The following SLC10A7 variants were observed in gnomAD, a reference collection of about 807,000 sequenced individuals.
SLC10A7 encodes solute carrier family 10 member 7, also known as sodium/bile acid cotransporter 7.
SLC10A7 carries 29 observed loss-of-function variants against 43.2 expected under a neutral mutation model. The ratio of observed to expected loss-of-function variants is 0.67; its 90% CI spans 0.50 to 0.92. The LOEUF is 0.92. Among genes scored for constraint, SLC10A7 ranks in the 40% least tolerant of loss-of-function variants. The probability of loss-of-function intolerance (pLI) is 0.00; values close to 1 mark genes in which losing one functional copy is unlikely to be tolerated. For synonymous variants in SLC10A7, 152 were observed against 144.8 expected (o/e 1.05, Z -0.35); for missense variants, 295 against 403.2 (o/e 0.73, Z 2.30).
intron 2 of SLC10A7, among the ~76,000 whole-genome samples, chr4:146,511,033 C>A (rs1327846762): frequency 1.3e-5 from 2 of 152,132 alleles, no homozygotes; most frequent in African/African-American, 4.8e-5. Context: ...TAAGTAAATA[C>A]TATTATCCCT....
At chr4:146,427,315 A>G (rs1729444662) in intron 5 of SLC10A7, among the ~76,000 whole-genome samples, 1 of 152,058 alleles carries the variant, frequency 6.6e-6, no homozygotes. Flanking sequence ...ACCCTGGGTG[A>G]CACACACACA....
At chr4:146,383,335 A>AG (rs1737764982) in intron 5 of SLC10A7, among the ~76,000 whole-genome samples, 2 of 152,136 alleles carry the variant, frequency 1.3e-5, no homozygotes, top group African/African-American at 2.4e-5. Context: ...ACTAAATCAA[A>AG]GGGGGAAAAC....
At position 146,280,963 on chromosome 4, in the gene SLC10A7, T is replaced by G. The variant is rs138273325; in HGVS notation, c.847+2229A>C. 7.2e-5 allele frequency among the ~76,000 whole-genome samples: 11 copies of G among 152,268 alleles called. No individual in the cohort carries two copies. In the East Asian group the frequency reaches 2.1e-3, roughly 29 times the overall value. ...GGTCTTATAATTCCAAGACAGCCTA[T>G]GTCTATCATGTTATGAAAGTAGCTA... On this transcript the variant is annotated intron_variant, in intron 10 of 11. Transcript: ENST00000335472.
intron 5 of SLC10A7, among the ~76,000 whole-genome samples, chr4:146,340,562 G>A (rs886946515): frequency 6.6e-6 from 1 of 151,110 alleles, no homozygotes; most frequent in Non-Finnish European, 1.5e-5. Flanking sequence ...GAGAGAGAGA[G>A]TGATTAGACT....
chr4:146,468,022 A>G (rs1021280896), intron 4 of SLC10A7, among the ~76,000 whole-genome samples: 1 of 152,162 alleles, frequency 6.6e-6, no homozygotes, highest in Non-Finnish European at 1.5e-5. Context: ...TACCATGTGA[A>G]ACAGCCATGA....
intron 4 of SLC10A7, among the ~76,000 whole-genome samples, chr4:146,479,545 A>G (rs890299807): frequency 6.6e-6 from 1 of 152,224 alleles, no homozygotes; most frequent in African/African-American, 2.4e-5. Context: ...GATTCTATTT[A>G]TATGAGGTTT....
At chr4:146,311,788 CCA>C (rs535389093) in intron 6 of SLC10A7, among the ~76,000 whole-genome samples, 33 of 152,150 alleles carry the variant, frequency 2.2e-4, no homozygotes, top group African/African-American at 7.9e-4. Flanking sequence ...ACTATTGTGC[CCA>C]CACACAGACA....
intron 5 of SLC10A7, among the ~76,000 whole-genome samples, chr4:146,377,934 G>A (rs922366244): frequency 5.3e-5 from 8 of 152,126 alleles, no homozygotes; most frequent in African/African-American, 1.9e-4. Flanking sequence ...CTACTAACAG[G>A]AAACCCAGTC....
At chr4:146,402,702 T>A (rs1049851985) in intron 5 of SLC10A7, among the ~76,000 whole-genome samples, 10 of 152,224 alleles carry the variant, frequency 6.6e-5, no homozygotes, top group Admixed American at 1.3e-4. Flanking sequence ...TTGGGAATAA[T>A]ATAGGCTAGC....
chr4:146,404,076 C>T (rs1739404214), intron 5 of SLC10A7, among the ~76,000 whole-genome samples: 1 of 152,158 alleles, frequency 6.6e-6, no homozygotes, highest in African/African-American at 2.4e-5. Flanking sequence ...CTATGTCTCC[C>T]AGGCTAGAGT....
At chr4:146,481,616 G>GC (rs1734483205) in intron 4 of SLC10A7, among the ~76,000 whole-genome samples, 1 of 152,182 alleles carries the variant, frequency 6.6e-6, no homozygotes, top group Admixed American at 6.5e-5. Context: ...ACTATGCTGT[G>GC]CCCCCCAGGG....
intron 10 of SLC10A7, among the ~76,000 whole-genome samples, chr4:146,277,747 T>G (rs1260418267): frequency 6.6e-6 from 1 of 152,214 alleles, no homozygotes; most frequent in Non-Finnish European, 1.5e-5. Context: ...GAAACGGCAA[T>G]GTGGCTCTTA....
At chr4:146,342,777 C>A (rs1469153767) in intron 5 of SLC10A7, among the ~76,000 whole-genome samples, 1 of 151,670 alleles carries the variant, frequency 6.6e-6, no homozygotes, top group African/African-American at 2.4e-5. Context: ...AAATAAAATA[C>A]AGGGCACTAG....
At chr4:146,273,543 TA>T (rs1390198142) in intron 10 of SLC10A7, among the ~76,000 whole-genome samples, 1 of 152,110 alleles carries the variant, frequency 6.6e-6, no homozygotes, top group Admixed American at 6.6e-5. Flanking sequence ...TGAGACAGTG[TA>T]TGGGAAGTAC....
chr4:146,484,331 G>A lies in SLC10A7; in HGVS notation c.396+19518C>T, dbSNP rs1734737857. Among the ~76,000 whole-genome samples, 3 of 152,176 alleles carry A rather than the reference G, an allele frequency of 2.0e-5. No individual in the cohort carries two copies. The South Asian group carries it at 6.2e-4, about 32-fold the overall frequency. ...ATGCCAACACTGCACTCCAGCCTGA[G>A]TGACAGAGAGACACTCTGTCTCTAA... On this transcript the variant is annotated intron_variant, in intron 4 of 11. Coordinates refer to ENST00000335472, the MANE Select transcript of SLC10A7 (RefSeq NM_001029998.6).
At chr4:146,475,469 G>C (rs1055709678) in intron 4 of SLC10A7, among the ~76,000 whole-genome samples, 5 of 152,110 alleles carry the variant, frequency 3.3e-5, no homozygotes, top group Non-Finnish European at 7.4e-5. Flanking sequence ...AAGTCACAAG[G>C]ATTCATGAAC....
chr4:146,424,923 G>A (rs1379889159), intron 5 of SLC10A7, among the ~76,000 whole-genome samples: 4 of 152,116 alleles, frequency 2.6e-5, no homozygotes, highest in East Asian at 1.9e-4. Flanking sequence ...AATCTACCAT[G>A]ATGAAATGTC....
intron 5 of SLC10A7, among the ~76,000 whole-genome samples, chr4:146,352,814 A>G (rs1407251593): frequency 7.0e-6 from 1 of 142,928 alleles, no homozygotes. Context: ...TGAAGGCAGA[A>G]ATAAAGATGT....
chr4:146,302,233 T>C (rs945673010), intron 7 of SLC10A7, among the ~76,000 whole-genome samples: 1 of 152,218 alleles, frequency 6.6e-6, no homozygotes, highest in African/African-American at 2.4e-5. Flanking sequence ...TTTAAACTAA[T>C]ATAATCCACA....
Sources: allele counts gnomAD v4.1 joint callset (sites outside exome capture counted in the v4.1 genomes callset), GRCh38; gene constraint gnomAD v4.1.1; transcripts MANE v1.5; gene names NCBI Gene and HGNC (gene_info 2026-07-23, HGNC 2026-07-21).